The following GPC5 variants were observed in gnomAD, a reference collection of about 807,000 sequenced individuals.
The protein encoded by GPC5 is glypican 5.
GPC5 carries 47 observed loss-of-function variants against 53.9 expected under a neutral mutation model. The ratio of observed to expected loss-of-function variants is 0.87; its 90% CI spans 0.69 to 1.11. The LOEUF (loss-of-function observed/expected upper bound fraction) is 1.11. Ranked by LOEUF, GPC5 falls within the 50% of genes most tolerant of loss-of-function variation. The pLI is 0.00. For synonymous variants in GPC5, 286 were observed against 263.3 expected (o/e 1.09, Z -0.84); for missense variants, 748 against 713.1 (o/e 1.05, Z -0.56).
chr13:92,488,554 A>G (rs1179243122), intron 7 of GPC5, among the ~76,000 whole-genome samples: 1 of 152,176 alleles, frequency 6.6e-6, no homozygotes, highest in African/African-American at 2.4e-5. Flanking sequence ...AAAGGAAGAC[A>G]TATTTAAGTA....
At chr13:91,953,183 C>T (rs1055437775) in intron 6 of GPC5, among the ~76,000 whole-genome samples, 8 of 152,136 alleles carry the variant, frequency 5.3e-5, no homozygotes, top group Non-Finnish European at 1.2e-4. Context: ...AACAAGCTAG[C>T]AAGCACACTT....
At chr13:91,954,019 GA>G (rs567117711) in intron 6 of GPC5, among the ~76,000 whole-genome samples, 9 of 151,744 alleles carry the variant, frequency 5.9e-5, no homozygotes, top group South Asian at 2.1e-4. Context: ...AAATTTTTAG[GA>G]AAAAAAACTT....
intron 6 of GPC5, among the ~76,000 whole-genome samples, chr13:91,926,070 C>A (rs911093955): frequency 4.6e-5 from 7 of 152,096 alleles, no homozygotes; most frequent in African/African-American, 1.7e-4. Context: ...ATTAAAAAAT[C>A]TATGCAAAAT....
intron 7 of GPC5, among the ~76,000 whole-genome samples, chr13:92,656,910 G>T (rs1403606263): frequency 6.6e-6 from 1 of 152,178 alleles, no homozygotes; most frequent in Non-Finnish European, 1.5e-5. Flanking sequence ...GAGCAACGCT[G>T]CGATGAGCTA....
intron 5 of GPC5, among the ~76,000 whole-genome samples, chr13:91,888,057 A>G (rs377685619): frequency 6.6e-6 from 1 of 152,192 alleles, no homozygotes; most frequent in Non-Finnish European, 1.5e-5. Flanking sequence ...ATGAAGAAAT[A>G]TGCGAGAATG....
intron 5 of GPC5, among the ~76,000 whole-genome samples, chr13:91,886,261 G>A (rs2039321092): frequency 3.3e-5 from 5 of 152,076 alleles, no homozygotes; most frequent in Admixed American, 3.3e-4. Flanking sequence ...ATCAGATCTT[G>A]TGAGACTTAT....
chr13:91,767,931 T>C (rs1163579706), intron 5 of GPC5, among the ~76,000 whole-genome samples: 1 of 152,176 alleles, frequency 6.6e-6, no homozygotes, highest in African/African-American at 2.4e-5. Context: ...TCTTCAAGGC[T>C]CCAGGATGCC....
chr13:91,684,892 C>T (rs900072900), intron 2 of GPC5, among the ~76,000 whole-genome samples: 8 of 152,184 alleles, frequency 5.3e-5, no homozygotes. Context: ...ACTCACTGAG[C>T]TCCAATCACA....
chr13:92,117,444 A>C (rs184853285), intron 6 of GPC5, among the ~76,000 whole-genome samples: 1 of 152,278 alleles, frequency 6.6e-6, no homozygotes, highest in Non-Finnish European at 1.5e-5. Flanking sequence ...CTTTTTAAAA[A>C]TTGCTTTTGT....
intron 5 of GPC5, among the ~76,000 whole-genome samples, chr13:91,833,717 T>A (rs999295975): frequency 6.6e-6 from 1 of 152,104 alleles, no homozygotes; most frequent in African/African-American, 2.4e-5. Context: ...ACTCTCTCAA[T>A]AAACTAGGTA....
At chr13:92,186,788 A>G (rs1411561320) in intron 7 of GPC5, among the ~76,000 whole-genome samples, 5 of 152,168 alleles carry the variant, frequency 3.3e-5, no homozygotes, top group African/African-American at 1.2e-4. Flanking sequence ...AAATGCATAT[A>G]CAAGTATGTT....
intron 7 of GPC5, among the ~76,000 whole-genome samples, chr13:92,585,985 T>C (rs953338911): frequency 2.2e-4 from 33 of 152,254 alleles, no homozygotes; most frequent in Non-Finnish European, 2.1e-4. Context: ...GGCTTGGGTA[T>C]GTCTTCATGA....
chr13:91,564,124 G>A (rs2031419601), intron 2 of GPC5, among the ~76,000 whole-genome samples: 1 of 152,164 alleles, frequency 6.6e-6, no homozygotes, highest in Admixed American at 6.5e-5. Context: ...CCAATGCCTT[G>A]CTAACACGAA....
At chr13:92,191,037 G>A (rs1229351402) in intron 7 of GPC5, among the ~76,000 whole-genome samples, 1 of 152,080 alleles carries the variant, frequency 6.6e-6, no homozygotes, top group Non-Finnish European at 1.5e-5. Context: ...GATATACCAT[G>A]AACATAATCA....
intron 7 of GPC5, among the ~76,000 whole-genome samples, chr13:92,472,344 C>A (rs570110589): frequency 1.3e-5 from 2 of 152,116 alleles, no homozygotes; most frequent in South Asian, 4.1e-4. Flanking sequence ...TGAGCAAAAC[C>A]AATGCTACTC....
At chr13:92,285,711 C>T (rs1365813825) in intron 7 of GPC5, among the ~76,000 whole-genome samples, 6 of 152,138 alleles carry the variant, frequency 3.9e-5, no homozygotes, top group African/African-American at 1.4e-4. Flanking sequence ...AAACTGGTTC[C>T]CTTCCTTACA....
At chr13:92,179,115 C>A (rs944669072) in intron 7 of GPC5, among the ~76,000 whole-genome samples, 1 of 152,118 alleles carries the variant, frequency 6.6e-6, no homozygotes, top group African/African-American at 2.4e-5. Context: ...TTTCTCCTTG[C>A]ACAATGAGTA....
chr13:92,760,236 G>C (rs1875106715), intron 7 of GPC5, among the ~76,000 whole-genome samples: 1 of 152,070 alleles, frequency 6.6e-6, no homozygotes, highest in Admixed American at 6.6e-5. Context: ...GTATTTCTTT[G>C]GAGGAGTTAA....
chr13:92,056,114 G>A (rs758588728), intron 6 of GPC5, among the ~76,000 whole-genome samples: 12 of 151,904 alleles, frequency 7.9e-5, no homozygotes, highest in African/African-American at 1.7e-4. Context: ...ATAGTTCTGC[G>A]GGTCAGAAGT....
Sources: allele counts gnomAD v4.1 joint callset (sites outside exome capture counted in the v4.1 genomes callset), GRCh38; gene constraint gnomAD v4.1.1; transcripts MANE v1.5; gene names NCBI Gene and HGNC (gene_info 2026-07-23, HGNC 2026-07-21).